MYO16: variants seen among roughly 807,000 people sequenced by gnomAD.
MYO16 encodes unconventional myosin-XVI.
Under a neutral mutation model 205.3 loss-of-function variants are expected in MYO16, and 94 were observed. That is an observed-to-expected ratio of 0.46 (90% CI 0.39 to 0.54). MYO16 has a LOEUF of 0.54. Among genes scored for constraint, MYO16 ranks in the 20% least tolerant of loss-of-function variants. The pLI, the probability that MYO16 is intolerant of heterozygous loss-of-function variation, is 0.00. For synonymous variants in MYO16, 988 were observed against 954.0 expected (o/e 1.04, Z -0.66); for missense variants, 2,315 against 2,387.5 (o/e 0.97, Z 0.63).
chr13:109,072,662 T>C (rs1179409234), intron 27 of MYO16, among the ~76,000 whole-genome samples: 2 of 152,006 alleles, frequency 1.3e-5, no homozygotes, highest in Non-Finnish European at 2.9e-5. Flanking sequence ...TCAGTGCCTC[T>C]CAACCACGGC....
At chr13:108,537,452 T>G in the MYO16 span, among the ~76,000 whole-genome samples, 1 of 152,154 alleles carries the variant, frequency 6.6e-6, no homozygotes, top group Admixed American at 6.5e-5. Context: ...GATAACGCTG[T>G]GATAAACATA....
chr13:108,728,644 C>A (rs184301734), intron 4 of MYO16, among the ~76,000 whole-genome samples: 1 of 152,216 alleles, frequency 6.6e-6, no homozygotes, highest in Non-Finnish European at 1.5e-5. Context: ...CAGCACATGA[C>A]TTTCTTCTGT....
At chr13:108,614,901 T>C (rs1035378981) in intron 1 of MYO16, among the ~76,000 whole-genome samples, 3 of 81,658 alleles carry the variant, frequency 3.7e-5, no homozygotes, top group African/African-American at 9.0e-5. Context: ...GACCTTGGAT[T>C]AGGCAATGGT....
chr13:108,955,124 C>T (rs181501957), intron 16 of MYO16, among the ~76,000 whole-genome samples: 46 of 152,320 alleles, frequency 3.0e-4, no homozygotes, highest in Middle Eastern at 6.8e-3. Flanking sequence ...CATTGGTTGC[C>T]CTGCTCCCCT....
In MYO16 at chr13:109,141,243, G is replaced by GC. The variant is rs768115108; in HGVS notation, c.5037dup (p.Ala1680ArgfsTer45). The GC allele has an allele frequency of 5.0e-6, 8 of 1,605,756 alleles. No homozygotes were observed. Among genetic ancestry groups the GC allele is most frequent in the Non-Finnish European group, 2.6e-6 (3 of 1,176,262 alleles). On this transcript the variant is annotated frameshift_variant, in exon 32 of 35. Coordinates refer to ENST00000457511, the MANE Select transcript of MYO16 (RefSeq NM_001198950.3). LOFTEE classifies it high-confidence loss of function. This position sits in a 1 kb window ranked among gnomAD's most constrained non-coding sequence, Gnocchi z 4.1. ...CCAGGAAGGCCGGCTCCAGTGCCTC[G>GC]CCCCCCGCGCCCTACAGCCCTCCCA...
In MYO16 at chr13:109,086,245, G is replaced by A. The variant is rs1888433119; in HGVS notation, c.3336-14540G>A. Among the ~76,000 whole-genome samples, 8 of 152,162 alleles carry A rather than the reference G, an allele frequency of 5.3e-5. No homozygotes were observed. The South Asian group carries it at 1.5e-3, about 28-fold the overall frequency. On this transcript the variant is annotated intron_variant, in intron 27 of 34. Coordinates refer to ENST00000457511, the MANE Select transcript of MYO16 (RefSeq NM_001198950.3). The stretch of plus-strand genomic sequence containing the variant: ...TTAGGTAATTACCAGAGGGCCCACT[G>A]GACAATGCCCAGCATTCTGTTCAAA...
intron 10 of MYO16, among the ~76,000 whole-genome samples, chr13:108,848,914 G>A (rs529008182): frequency 7.9e-5 from 12 of 152,250 alleles, no homozygotes; most frequent in Middle Eastern, 3.4e-3. Flanking sequence ...TCTAAGATCC[G>A]CTAAAACTTT....
intron 19 of MYO16, among the ~76,000 whole-genome samples, chr13:108,963,234 A>G (rs1186670646): frequency 3.3e-5 from 5 of 152,140 alleles, no homozygotes; most frequent in African/African-American, 9.7e-5. Context: ...TTTTTTCTCT[A>G]AATCGCTACT....
intron 11 of MYO16, among the ~76,000 whole-genome samples, chr13:108,860,131 A>G (rs1878384490): frequency 6.7e-6 from 1 of 149,042 alleles, no homozygotes; most frequent in Non-Finnish European, 1.5e-5. Flanking sequence ...TCCAGTACCC[A>G]ATAGTTATAT....
chr13:108,829,983 T>C (rs1187504231), intron 9 of MYO16, among the ~76,000 whole-genome samples: 5 of 143,006 alleles, frequency 3.5e-5, no homozygotes, highest in Non-Finnish European at 6.1e-5. Flanking sequence ...AGAAGACATT[T>C]ATGCAGCCAA....
At chr13:108,625,693 C>T (rs1362043705), upstream of MYO16, among the ~76,000 whole-genome samples, 1 of 152,238 alleles carries the variant, frequency 6.6e-6, no homozygotes, top group Non-Finnish European at 1.5e-5. Flanking sequence ...ATTCACAGGG[C>T]AGAGGCAATG....
At chr13:108,866,320 A>T (rs1326429247) in intron 12 of MYO16, 78 bp downstream of exon 12, 5 of 839,912 alleles carry the variant, frequency 6.0e-6, no homozygotes, top group Non-Finnish European at 8.8e-6. Flanking sequence ...TCAAATGACT[A>T]AAAAAAACAG....
intron 13 of MYO16, among the ~76,000 whole-genome samples, chr13:108,884,411 A>G (rs1182619673): frequency 1.3e-5 from 2 of 152,196 alleles, no homozygotes; most frequent in African/African-American, 4.8e-5. Context: ...GACACATTCT[A>G]AACTCTAGGA....
chr13:108,654,030 C>T (rs1881132506), intron 1 of MYO16, among the ~76,000 whole-genome samples: 1 of 152,030 alleles, frequency 6.6e-6, no homozygotes, highest in African/African-American at 2.4e-5. Context: ...TGGAGTGTCT[C>T]TGCTTGAGTC....
At chr13:108,939,095 G>A (rs2139310016) in intron 16 of MYO16, among the ~76,000 whole-genome samples, 1 of 152,326 alleles carries the variant, frequency 6.6e-6, no homozygotes, top group African/African-American at 2.4e-5. Flanking sequence ...CCAATCTCAG[G>A]CCCAAGACTA....
At chr13:108,596,645 T>C (rs1358420196) in intron 1 of MYO16, among the ~76,000 whole-genome samples, 1 of 152,242 alleles carries the variant, frequency 6.6e-6, no homozygotes, top group East Asian at 1.9e-4. Flanking sequence ...TTTTTTCTTA[T>C]TCAAGAGCAC....
chr13:109,046,481 G>C (rs563985902), intron 23 of MYO16, among the ~76,000 whole-genome samples: 1 of 152,272 alleles, frequency 6.6e-6, no homozygotes, highest in African/African-American at 2.4e-5. Context: ...AAAGACTTAA[G>C]AGTACTAATT....
intron 1 of MYO16, among the ~76,000 whole-genome samples, chr13:108,615,815 C>CA (rs958158931): frequency 1.3e-5 from 2 of 152,066 alleles, no homozygotes; most frequent in Non-Finnish European, 2.9e-5. Context: ...GTTTTGTTTC[C>CA]AAACTAGCTC....
intron 32 of MYO16, among the ~76,000 whole-genome samples, chr13:109,142,979 A>G (rs1877172016): frequency 6.6e-6 from 1 of 151,944 alleles, no homozygotes; most frequent in Admixed American, 6.6e-5. Context: ...AACCTGGACA[A>G]CTTGTAGTCA....
Sources: allele counts gnomAD v4.1 joint callset (sites outside exome capture counted in the v4.1 genomes callset), GRCh38; gene constraint gnomAD v4.1.1; non-coding constraint Gnocchi (gnomAD v3.1); transcripts MANE v1.5; gene names NCBI Gene and HGNC (gene_info 2026-07-23, HGNC 2026-07-21).